PLXNC1: variants seen among roughly 807,000 people sequenced by gnomAD.
PLXNC1 encodes plexin-C1.
In PLXNC1, 75 loss-of-function variants were observed where a neutral mutation model predicts 178.2. The ratio of observed to expected loss-of-function variants is 0.42; its 90% CI spans 0.35 to 0.51. The LOEUF (loss-of-function observed/expected upper bound fraction) is 0.51. Ranked by LOEUF, PLXNC1 falls within the 20% of genes least tolerant of loss-of-function variation. The pLI is 0.02. For synonymous variants in PLXNC1, 790 were observed against 779.9 expected, an observed-to-expected ratio of 1.01 and a Z score of -0.22; for missense variants, 1,503 against 1,984.4, an observed-to-expected ratio of 0.76 and a Z score of 4.61.
chr12:94,195,325 T>A (rs1241970268), intron 4 of PLXNC1, among the ~76,000 whole-genome samples: 1 of 152,148 alleles, frequency 6.6e-6, no homozygotes, highest in Non-Finnish European at 1.5e-5. Context: ...TTATGTCACA[T>A]CTCGTCCTGA....
intron 4 of PLXNC1, chr12:94,186,780 AAG>A (rs1354239375): frequency 1.8e-5 from 5 of 276,122 alleles, no homozygotes; most frequent in Non-Finnish European, 3.6e-5. Flanking sequence ...GCCAAGACTC[AAG>A]AGAGAGGCAA....
intron 8 of PLXNC1, 47 bp downstream of exon 8, chr12:94,226,754 T>C: frequency 2.2e-6 from 3 of 1,347,578 alleles, no homozygotes; most frequent in Non-Finnish European, 3.2e-6. Context: ...CCGGGCATGG[T>C]GGCTCACGCC....
intron 21 of PLXNC1, among the ~76,000 whole-genome samples, chr12:94,278,404 G>A (rs114253275): frequency 0.026 from 3,954 of 152,308 alleles, 168 homozygotes; most frequent in African/African-American, 0.091. Context: ...CTTAGACAAA[G>A]TAAACTTGGA....
chr12:94,211,321 T>G (rs2136004333), intron 5 of PLXNC1, among the ~76,000 whole-genome samples: 1 of 152,358 alleles, frequency 6.6e-6, no homozygotes, highest in East Asian at 1.9e-4. Flanking sequence ...AGTTCGTAAT[T>G]TGACTAAAGC....
chr12:94,282,324 G>T lies in PLXNC1; in HGVS notation c.3802G>T (p.Glu1268Ter). ...LELQMGTRQK[E>*]LLDIDSSSVI... ...GCTTCAAATGGGCACACGACAGAAAGAACTTCTGGACATCGACAGTTCCTC... is the reference window on the plus strand; with the variant it reads ...GCTTCAAATGGGCACACGACAGAAATAACTTCTGGACATCGACAGTTCCTC... Residue 1268 changes from glutamate to a stop codon, truncating the protein, a stop_gained, in exon 23 of 31, where the codon GAA (glutamate) becomes TAA (stop). Transcript: ENST00000258526. LOFTEE classifies it high-confidence loss of function. The T allele has an allele frequency of 6.2e-7, 1 of 1,613,938 alleles. No homozygotes were observed. Among genetic ancestry groups the T allele is most frequent in the African/African-American group, 1.3e-5 (1 of 75,060 alleles).
chr12:94,259,313 A>C, intron 17 of PLXNC1, 24 bp from the exon 18 acceptor site: 4 of 1,559,930 alleles, frequency 2.6e-6, no homozygotes, highest in Non-Finnish European at 3.5e-6. Context: ...GTTATGAATA[A>C]TAAAAGTGTC....
intron 22 of PLXNC1, chr12:94,279,997 G>A (rs1565853735): frequency 5.1e-6 from 2 of 396,006 alleles, no homozygotes; most frequent in South Asian, 2.1e-5. Flanking sequence ...CCCTCTGCGT[G>A]TGTTGCATTT....
intron 3 of PLXNC1, among the ~76,000 whole-genome samples, chr12:94,182,683 C>T (rs2135961600): frequency 6.6e-6 from 1 of 150,878 alleles, no homozygotes; most frequent in Admixed American, 6.6e-5. Flanking sequence ...TGACATCACA[C>T]CACTGCACCC....
At position 94,162,189 on chromosome 12, in the gene PLXNC1, T is replaced by A. The variant is rs889859097; in HGVS notation, c.1063-6964T>A. Among the ~76,000 whole-genome samples, 11 of 152,310 alleles carry A rather than the reference T, an allele frequency of 7.2e-5. No homozygotes were observed. In the South Asian group the frequency reaches 2.1e-3, roughly 29 times the overall value. ...AGGAACGGGAAGAGCTATGGTCATG[T>A]GTCCACGAGTAGGTGACATTCAACT... On this transcript the variant is annotated intron_variant, in intron 1 of 30. Transcript: ENST00000258526.
intron 30 of PLXNC1, among the ~76,000 whole-genome samples, chr12:94,304,968 A>G (rs559862379): frequency 2.6e-5 from 4 of 152,310 alleles, no homozygotes; most frequent in African/African-American, 7.2e-5. Flanking sequence ...AATAGTTGGT[A>G]TTTCTTGCGA....
chr12:94,238,253 AT>A (rs1283886946), intron 10 of PLXNC1, among the ~76,000 whole-genome samples: 1 of 152,216 alleles, frequency 6.6e-6, no homozygotes, highest in African/African-American at 2.4e-5. Context: ...TTATGTGGAC[AT>A]TTTATTCTTT....
chr12:94,276,476 A>AGGAG (rs1338120199), intron 21 of PLXNC1, among the ~76,000 whole-genome samples: 11 of 70,088 alleles, frequency 1.6e-4, no homozygotes, highest in African/African-American at 3.4e-4. Flanking sequence ...TGGAACCAGA[A>AGGAG]GGAGGGAGGG....
chr12:94,162,879 G>A (rs1961439370), intron 1 of PLXNC1, among the ~76,000 whole-genome samples: 1 of 152,132 alleles, frequency 6.6e-6, no homozygotes, highest in South Asian at 2.1e-4. Context: ...TTTACTTAGG[G>A]GATGTTGAGA....
At chr12:94,277,475 A>C (rs1966055661) in intron 21 of PLXNC1, among the ~76,000 whole-genome samples, 1 of 152,208 alleles carries the variant, frequency 6.6e-6, no homozygotes, top group South Asian at 2.1e-4. Flanking sequence ...CTCACATGCC[A>C]GATGCTGTTC....
At chr12:94,302,178 T>C (rs1046253457) in intron 28 of PLXNC1, among the ~76,000 whole-genome samples, 11 of 152,236 alleles carry the variant, frequency 7.2e-5, no homozygotes, top group African/African-American at 2.2e-4. Flanking sequence ...CAGTGCCACA[T>C]AGTGCTTCCT....
chr12:94,254,695 T>G lies in PLXNC1; in HGVS notation c.2882-92T>G, dbSNP rs79094045. 6,864 of 855,634 alleles carry G rather than the reference T, an allele frequency of 8.0e-3. 332 individuals carry two copies. The African/African-American group carries it at 0.1, about 13-fold the overall frequency. The allele number at this position is 855,634 out of a possible 1,614,324, so 53.0% of individuals were successfully genotyped here. On this transcript the variant is annotated intron_variant, in intron 15 of 30. Transcript: ENST00000258526. The stretch of plus-strand genomic sequence containing the variant: ...TGTCCCTATCTGTTTTGTTTTTGTT[T>G]TTGTTTTTAAGAACTGTAAAGATTG...
intron 2 of PLXNC1, 30 bp from the exon 3 acceptor site, chr12:94,181,416 C>G: frequency 3.0e-6 from 4 of 1,354,150 alleles, no homozygotes; most frequent in Non-Finnish European, 3.1e-6. Context: ...AAATAGAAAT[C>G]ATGTTTCTCT....
chr12:94,163,794 A>G (rs1014494502), intron 1 of PLXNC1, among the ~76,000 whole-genome samples: 3 of 152,220 alleles, frequency 2.0e-5, no homozygotes, highest in Admixed American at 1.3e-4. Flanking sequence ...TCAGACGATC[A>G]GAGAGCTGCC....
At chr12:94,216,443 T>A (rs1426506127) in intron 5 of PLXNC1, among the ~76,000 whole-genome samples, 2 of 152,154 alleles carry the variant, frequency 1.3e-5, no homozygotes, top group African/African-American at 2.4e-5. Flanking sequence ...AGAAAGTAGA[T>A]ATAAATATGG....
Sources: allele counts gnomAD v4.1 joint callset (sites outside exome capture counted in the v4.1 genomes callset), GRCh38; gene constraint gnomAD v4.1.1; transcripts MANE v1.5; gene names NCBI Gene and HGNC (gene_info 2026-07-23, HGNC 2026-07-21).